Variants in NAALADL2 observed in about 807,000 individuals in gnomAD.
NAALADL2 encodes N-acetylated alpha-linked acidic dipeptidase like 2.
NAALADL2 carries 76 observed loss-of-function variants against 87.2 expected under a neutral mutation model. The ratio of observed to expected loss-of-function variants is 0.87; its 90% CI spans 0.72 to 1.05. The LOEUF is 1.05. Among genes scored for constraint, NAALADL2 ranks in the 50% least tolerant of loss-of-function variants. NAALADL2 has a pLI of 0.00. For missense variants in NAALADL2, 1,089 were observed against 945.8 expected, an observed-to-expected ratio of 1.15 and a Z score of -1.99; for synonymous variants, 354 against 331.0, an observed-to-expected ratio of 1.07 and a Z score of -0.75.
intron 1 of NAALADL2, among the ~76,000 whole-genome samples, chr3:174,504,307 G>A (rs1056388286): frequency 6.6e-6 from 1 of 152,088 alleles, no homozygotes; most frequent in Non-Finnish European, 1.5e-5. Flanking sequence ...GCAAATGTTT[G>A]TGGGGGAGAA....
chr3:175,398,810 G>A (rs1156537676), intron 5 of NAALADL2, among the ~76,000 whole-genome samples: 1 of 151,840 alleles, frequency 6.6e-6, no homozygotes, highest in African/African-American at 2.4e-5. Flanking sequence ...ATTTATTATT[G>A]TATGAATACA....
intron 2 of NAALADL2, among the ~76,000 whole-genome samples, chr3:175,157,532 T>G (rs1014193301): frequency 4.6e-5 from 7 of 152,074 alleles, no homozygotes; most frequent in African/African-American, 1.7e-4. Flanking sequence ...AAATTTACAA[T>G]TAAACAACTC....
intron 4 of NAALADL2, among the ~76,000 whole-genome samples, chr3:175,263,830 G>C (rs1751498147): frequency 6.6e-6 from 1 of 151,426 alleles, no homozygotes; most frequent in Admixed American, 6.6e-5. Context: ...CCATGTTTCA[G>C]AAATATTTAT....
intron 11 of NAALADL2, among the ~76,000 whole-genome samples, chr3:175,661,857 G>A (rs925064103): frequency 2.0e-5 from 3 of 151,846 alleles, no homozygotes; most frequent in African/African-American, 2.4e-5. Flanking sequence ...CTGTGGGTCC[G>A]TTTTTATGCC....
intron 1 of NAALADL2, among the ~76,000 whole-genome samples, chr3:174,899,471 C>G (rs1208858375): frequency 6.6e-6 from 1 of 152,096 alleles, no homozygotes; most frequent in Non-Finnish European, 1.5e-5. Flanking sequence ...AGTAAGTTCT[C>G]TTGAGATCTG....
At chr3:175,786,792 G>T (rs370413058) in intron 13 of NAALADL2, among the ~76,000 whole-genome samples, 2 of 152,046 alleles carry the variant, frequency 1.3e-5, no homozygotes, top group Admixed American at 6.6e-5. Context: ...GGCGCTCTGC[G>T]TTTTAGAGTT....
intron 5 of NAALADL2, among the ~76,000 whole-genome samples, chr3:175,442,392 G>A (rs546538722): frequency 3.9e-4 from 59 of 152,202 alleles, no homozygotes; most frequent in South Asian, 8.3e-4. Flanking sequence ...TTGAAAAAGC[G>A]TGAAATAGAA....
chr3:175,795,035 A>G (rs1030668946), intron 13 of NAALADL2, among the ~76,000 whole-genome samples: 2 of 152,246 alleles, frequency 1.3e-5, no homozygotes, highest in South Asian at 2.1e-4. Context: ...TCCTCTTCAT[A>G]TAAAGGCACT....
intron 11 of NAALADL2, chr3:175,718,779 T>C (rs767698049): frequency 3.5e-5 from 28 of 808,882 alleles, no homozygotes; most frequent in Non-Finnish European, 5.3e-5. Context: ...ATTTAAAAAT[T>C]AGCCAAGCAT....
intron 11 of NAALADL2, among the ~76,000 whole-genome samples, chr3:175,665,598 A>C (rs182557098): frequency 3.6e-4 from 55 of 152,290 alleles, no homozygotes; most frequent in Admixed American, 2.7e-3. Context: ...AATAAACATT[A>C]ATAGCTCTCC....
rs138855618 is a variant in NAALADL2, at chr3:174,878,650, C to T, written c.43+19200C>T. ...GAATTTTTTTCTTGTTGGCAGTAAG[C>T]TCAATATCTGTTCTGCCGCTCTTTT... On this transcript the variant is annotated intron_variant, in intron 1 of 13. Transcript: ENST00000454872. Among the ~76,000 whole-genome samples the T allele has an allele frequency of 1.7e-3, 255 of 152,056 alleles. 1 individual carries two copies. Among genetic ancestry groups the T allele is most frequent in the African/African-American group, 5.6e-3 (233 of 41,524 alleles).
chr3:175,592,761 G>C (rs1369808664), intron 10 of NAALADL2, among the ~76,000 whole-genome samples: 7 of 149,288 alleles, frequency 4.7e-5, no homozygotes, highest in Non-Finnish European at 1.0e-4. Context: ...AGGGGTGAGG[G>C]ATAGCATTGG....
intron 2 of NAALADL2, among the ~76,000 whole-genome samples, chr3:175,176,199 A>G (rs1418505900): frequency 6.6e-6 from 1 of 152,038 alleles, no homozygotes; most frequent in African/African-American, 2.4e-5. Context: ...TTGGAAAATG[A>G]CATTTTTTTT....
intron 9 of NAALADL2, among the ~76,000 whole-genome samples, chr3:175,566,731 G>A (rs1334272284): frequency 1.3e-5 from 2 of 151,886 alleles, no homozygotes; most frequent in Admixed American, 1.3e-4. Flanking sequence ...TTTTTTCTGG[G>A]TAATATCAGT....
At chr3:175,633,500 G>T (rs1456509277) in intron 11 of NAALADL2, among the ~76,000 whole-genome samples, 1 of 151,898 alleles carries the variant, frequency 6.6e-6, no homozygotes, top group African/African-American at 2.4e-5. Flanking sequence ...TAGGGCACTT[G>T]GAGTGCCAGA....
intron 2 of NAALADL2, among the ~76,000 whole-genome samples, chr3:174,632,678 G>A (rs868091692): frequency 2.6e-5 from 4 of 152,108 alleles, no homozygotes; most frequent in East Asian, 3.9e-4. Context: ...GCTCATGCCT[G>A]TAATCCCAGC....
chr3:175,738,196 A>G (rs529615539), intron 12 of NAALADL2, among the ~76,000 whole-genome samples: 2 of 152,304 alleles, frequency 1.3e-5, no homozygotes, highest in East Asian at 3.9e-4. Flanking sequence ...ATCCTTTGAA[A>G]ATGGATCATT....
At chr3:175,150,293 C>T (rs777711455) in intron 2 of NAALADL2, among the ~76,000 whole-genome samples, 21 of 152,200 alleles carry the variant, frequency 1.4e-4, no homozygotes, top group African/African-American at 4.8e-4. Context: ...GATAGCAGTA[C>T]CTCTCTTGGT....
chr3:174,874,093 G>A (rs558470246), intron 1 of NAALADL2, among the ~76,000 whole-genome samples: 1 of 152,074 alleles, frequency 6.6e-6, no homozygotes, highest in Admixed American at 6.5e-5. Flanking sequence ...ATTACAGTGG[G>A]GTTATAAGGC....
Sources: gnomAD v4.1 joint callset for allele counts (sites outside exome capture counted in the v4.1 genomes callset) on GRCh38, gnomAD v4.1.1 for gene constraint, MANE v1.5 for transcripts, NCBI Gene and HGNC (gene_info 2026-07-23, HGNC 2026-07-21) for gene names.